The following CNOT2 variants were observed in gnomAD, a reference collection of about 807,000 sequenced individuals.
The protein encoded by CNOT2 is CCR4-NOT transcription complex subunit 2.
Under a neutral mutation model 72.1 loss-of-function variants are expected in CNOT2, and 7 were observed. The ratio of observed to expected loss-of-function variants is 0.10; its 90% CI spans 0.06 to 0.18. CNOT2 has a LOEUF of 0.18. Among genes scored for constraint, CNOT2 ranks in the 10% least tolerant of loss-of-function variants. CNOT2 has a pLI of 1.00. For synonymous variants in CNOT2, 196 were observed against 225.6 expected, an observed-to-expected ratio of 0.87 and a Z score of 1.17; for missense variants, 345 against 660.3, an observed-to-expected ratio of 0.52 and a Z score of 5.23.
At chr12:70,283,647 TAAAAAAAAAA>T (rs34501610) in intron 2 of CNOT2, among the ~76,000 whole-genome samples, 6,601 of 122,920 alleles carry the variant, frequency 0.054, 272 homozygotes, top group East Asian at 0.14. Flanking sequence ...AGAATGAGTT[TAAAAAAAAAA>T]AAAAAAAAAA....
intron 1 of CNOT2, among the ~76,000 whole-genome samples, chr12:70,267,505 A>G (rs1298430319): frequency 6.6e-6 from 1 of 152,176 alleles, no homozygotes; most frequent in Non-Finnish European, 1.5e-5. Flanking sequence ...GAGATTTGCA[A>G]TGACTCTGTG....
chr12:70,250,362 T>G (rs1327461049), intron 1 of CNOT2, among the ~76,000 whole-genome samples: 2 of 152,158 alleles, frequency 1.3e-5, no homozygotes, highest in East Asian at 3.9e-4. Context: ...TAGAAATTGT[T>G]TATTAAATTT....
At chr12:70,348,134 C>T (rs1359186789) in intron 15 of CNOT2, 1 of 152,136 alleles carries the variant, frequency 6.6e-6, no homozygotes, top group Non-Finnish European at 1.5e-5. Flanking sequence ...CAGTGCTTGG[C>T]ACACGTTGGG....
At chr12:70,248,153 A>G (rs1461547058) in intron 1 of CNOT2, among the ~76,000 whole-genome samples, 2 of 152,168 alleles carry the variant, frequency 1.3e-5, no homozygotes, top group African/African-American at 4.8e-5. Context: ...ACAAGGTATC[A>G]TGTTTACCAG....
chr12:70,276,123 CA>C (rs1315779638), intron 1 of CNOT2, among the ~76,000 whole-genome samples: 1 of 151,876 alleles, frequency 6.6e-6, no homozygotes, highest in Non-Finnish European at 1.5e-5. Context: ...TCCCTTTATA[CA>C]AAAATCCATA....
At chr12:70,252,331 C>T (rs1044422968) in intron 1 of CNOT2, among the ~76,000 whole-genome samples, 3 of 152,022 alleles carry the variant, frequency 2.0e-5, no homozygotes, top group Middle Eastern at 3.2e-3. Context: ...GGACTACAGG[C>T]GCATGCCACC....
chr12:70,325,728 T>A (rs1185171328), intron 4 of CNOT2, among the ~76,000 whole-genome samples: 1 of 151,888 alleles, frequency 6.6e-6, no homozygotes, highest in Non-Finnish European at 1.5e-5. Flanking sequence ...CCATTTATGT[T>A]GTCCTTTTTA....
chr12:70,304,218 G>T (rs11178182), intron 2 of CNOT2, among the ~76,000 whole-genome samples: 2 of 151,132 alleles, frequency 1.3e-5, no homozygotes, highest in Admixed American at 6.6e-5. Context: ...AGTCATTCTC[G>T]GTCCAGCTTT....
chr12:70,309,760 A>G (rs1403446483), intron 2 of CNOT2, among the ~76,000 whole-genome samples: 2 of 152,134 alleles, frequency 1.3e-5, no homozygotes, highest in Non-Finnish European at 2.9e-5. Context: ...TTGATTTTCA[A>G]AGTACTGTTA....
At chr12:70,315,314 G>A (rs1160076071) in intron 3 of CNOT2, among the ~76,000 whole-genome samples, 3 of 151,990 alleles carry the variant, frequency 2.0e-5, no homozygotes, top group Non-Finnish European at 4.4e-5. Flanking sequence ...GTGTGTGCAT[G>A]CATATGCTTT....
chr12:70,265,510 T>C (rs958870020), intron 1 of CNOT2, among the ~76,000 whole-genome samples: 1 of 152,030 alleles, frequency 6.6e-6, no homozygotes, highest in African/African-American at 2.4e-5. Flanking sequence ...CTTTTATTCC[T>C]GATAGTGGTA....
chr12:70,314,113 G>A (rs941689948), intron 3 of CNOT2, among the ~76,000 whole-genome samples: 11 of 152,054 alleles, frequency 7.2e-5, no homozygotes, highest in African/African-American at 2.2e-4. Context: ...TTCTTTATGC[G>A]TTTTAATAGG....
At chr12:70,289,359 C>T (rs1871462778) in intron 2 of CNOT2, among the ~76,000 whole-genome samples, 1 of 151,984 alleles carries the variant, frequency 6.6e-6, no homozygotes, top group Non-Finnish European at 1.5e-5. Context: ...CTTTTTCTCT[C>T]TGGCTAATAT....
At chr12:70,290,071 G>A (rs1221225514) in intron 2 of CNOT2, among the ~76,000 whole-genome samples, 1 of 151,832 alleles carries the variant, frequency 6.6e-6, no homozygotes, top group Non-Finnish European at 1.5e-5. Flanking sequence ...AACAGAACCA[G>A]AGTAATCTTT....
chr12:70,293,244 T>C (rs1872237913), intron 2 of CNOT2, among the ~76,000 whole-genome samples: 1 of 151,102 alleles, frequency 6.6e-6, no homozygotes, highest in African/African-American at 2.4e-5. Flanking sequence ...CAATGCACCC[T>C]CTACCTCCTG....
chr12:70,250,305 C>T (rs550011442), intron 1 of CNOT2, among the ~76,000 whole-genome samples: 56 of 152,250 alleles, frequency 3.7e-4, no homozygotes, highest in African/African-American at 1.3e-3. Flanking sequence ...CTATTCCCTG[C>T]ACATGCAAAA....
At chr12:70,341,717 T>C (rs9652033) in intron 11 of CNOT2, among the ~76,000 whole-genome samples, 2,034 of 152,308 alleles carry the variant, frequency 0.013, 44 homozygotes, top group African/African-American at 0.046. Context: ...TACTCAGTTT[T>C]CTTCTTGCCA....
intron 15 of CNOT2, among the ~76,000 whole-genome samples, chr12:70,353,464 C>G (rs1226073415): frequency 6.6e-6 from 1 of 152,070 alleles, no homozygotes; most frequent in Non-Finnish European, 1.5e-5. Flanking sequence ...GGTTTTTATA[C>G]TTCGTTGAAG....
At chr12:70,289,739 A>C (rs1593137107) in intron 2 of CNOT2, among the ~76,000 whole-genome samples, 1 of 152,206 alleles carries the variant, frequency 6.6e-6, no homozygotes, top group East Asian at 1.9e-4. Context: ...TACATACAAA[A>C]TGTAATTATA....
Sources: gnomAD v4.1 joint callset for allele counts (sites outside exome capture counted in the v4.1 genomes callset) on GRCh38, gnomAD v4.1.1 for gene constraint, MANE v1.5 for transcripts, NCBI Gene and HGNC (gene_info 2026-07-23, HGNC 2026-07-21) for gene names.